Variants in OSBPL9 observed in about 807,000 individuals in gnomAD.
OSBPL9 encodes oxysterol-binding protein-related protein 9.
In OSBPL9, 40 loss-of-function variants were observed where a neutral mutation model predicts 106.6. That is an observed-to-expected ratio of 0.38 (90% CI 0.29 to 0.49). The LOEUF (loss-of-function observed/expected upper bound fraction) is 0.49. OSBPL9 is among the 20% of genes least tolerant of loss of function. The pLI, the probability that OSBPL9 is intolerant of heterozygous loss-of-function variation, is 0.97. For synonymous variants in OSBPL9, 269 were observed against 295.4 expected (o/e 0.91, Z 0.92); for missense variants, 609 against 887.2 (o/e 0.69, Z 3.98).
chr1:51,609,611 A>T (rs1409911943), intron 2 of OSBPL9, among the ~76,000 whole-genome samples: 1 of 149,574 alleles, frequency 6.7e-6, no homozygotes. Flanking sequence ...TCAACCTCCC[A>T]AAGTGCTGGA....
the OSBPL9 span, chr1:51,567,315 G>T: frequency 6.6e-6 from 1 of 152,162 alleles, no homozygotes; most frequent in Non-Finnish European, 1.5e-5. Context: ...GCCATGTCTG[G>T]CCCACTCTGT....
At chr1:51,590,812 C>T (rs1164921705) in intron 1 of OSBPL9, among the ~76,000 whole-genome samples, 2 of 151,442 alleles carry the variant, frequency 1.3e-5, no homozygotes, top group Non-Finnish European at 2.9e-5. Flanking sequence ...TGCAGTGGCA[C>T]GATCATAGGT....
At chr1:51,771,494 C>T (rs563536231) in intron 12 of OSBPL9, among the ~76,000 whole-genome samples, 59 of 152,022 alleles carry the variant, frequency 3.9e-4, no homozygotes, top group African/African-American at 1.4e-3. Flanking sequence ...CGTGCGTGTG[C>T]GCGCACACAC....
chr1:51,519,324 G>GGGGC, the OSBPL9 span: 3,634 of 417,616 alleles, frequency 8.7e-3, 74 homozygotes, highest in Admixed American at 0.012. Flanking sequence ...AGGCGAGGCC[G>GGGGC]GGGCGGGCGG....
intron 3 of OSBPL9, among the ~76,000 whole-genome samples, chr1:51,710,490 C>T (rs1659573597): frequency 6.6e-6 from 1 of 152,228 alleles, no homozygotes; most frequent in Non-Finnish European, 1.5e-5. Context: ...TTCTGTGCAG[C>T]TCCTACCACC....
At chr1:51,631,479 T>C (rs937772985) in intron 1 of OSBPL9, among the ~76,000 whole-genome samples, 7 of 151,772 alleles carry the variant, frequency 4.6e-5, no homozygotes, top group Non-Finnish European at 8.8e-5. Context: ...AGGTCGAGGG[T>C]ACAGTGAGCT....
the OSBPL9 span, among the ~76,000 whole-genome samples, chr1:51,526,340 G>A: frequency 0.063 from 9,553 of 152,196 alleles, 956 homozygotes; most frequent in African/African-American, 0.21. Context: ...TGGTAGAGAT[G>A]AGAGAGAAAG....
intron 3 of OSBPL9, among the ~76,000 whole-genome samples, chr1:51,674,737 A>G (rs1557672617): frequency 1.3e-5 from 2 of 152,172 alleles, no homozygotes; most frequent in African/African-American, 2.4e-5. Flanking sequence ...TACTTTTTCT[A>G]TGTTTAGATA....
At chr1:51,650,349 CCT>C (rs1646437248) in intron 1 of OSBPL9, among the ~76,000 whole-genome samples, 1 of 152,056 alleles carries the variant, frequency 6.6e-6, no homozygotes, top group African/African-American at 2.4e-5. Context: ...TGCATTCTAA[CCT>C]CATCAGGGAT....
chr1:51,596,631 T>C (rs1645301161), intron 1 of OSBPL9, among the ~76,000 whole-genome samples: 1 of 144,644 alleles, frequency 6.9e-6, no homozygotes, highest in Admixed American at 6.9e-5. Flanking sequence ...AATACAAAAA[T>C]TAGCCAGGCA....
At chr1:51,616,003 G>GTTTTTTTTTT (rs764823727), upstream of OSBPL9, among the ~76,000 whole-genome samples, 15 of 104,504 alleles carry the variant, frequency 1.4e-4, no homozygotes, top group East Asian at 3.3e-4. Context: ...AAATCCTTTG[G>GTTTTTTTTTT]TTTTTTTTTT....
At chr1:51,783,244 A>G (rs1676804199) in intron 17 of OSBPL9, among the ~76,000 whole-genome samples, 1 of 152,020 alleles carries the variant, frequency 6.6e-6, no homozygotes, top group Non-Finnish European at 1.5e-5. Flanking sequence ...GCAGTGGCAC[A>G]ATCATAGCTC....
chr1:51,591,811 A>G (rs78798786), intron 1 of OSBPL9, among the ~76,000 whole-genome samples: 3,985 of 152,006 alleles, frequency 0.026, 113 homozygotes, highest in East Asian at 0.11. Context: ...GAGAGAGAGA[A>G]AAAAAAGAGA....
chr1:51,741,406 C>T (rs2148984725), intron 4 of OSBPL9, among the ~76,000 whole-genome samples: 1 of 149,780 alleles, frequency 6.7e-6, no homozygotes, highest in South Asian at 2.1e-4. Flanking sequence ...TCCCTCCTTC[C>T]CTCCCTCCCT....
At chr1:51,747,153 G>C (rs1382023398) in intron 6 of OSBPL9, among the ~76,000 whole-genome samples, 1 of 152,164 alleles carries the variant, frequency 6.6e-6, no homozygotes, top group African/African-American at 2.4e-5. Context: ...TTTTAGTAGA[G>C]ACAGGGTTTC....
intron 1 of OSBPL9, among the ~76,000 whole-genome samples, chr1:51,649,618 C>T (rs898243496): frequency 6.6e-6 from 1 of 151,728 alleles, no homozygotes; most frequent in Non-Finnish European, 1.5e-5. Flanking sequence ...CAGGTTGAAA[C>T]TTGAAACCTG....
chr1:51,672,106 G>A (rs1650017644), intron 3 of OSBPL9, among the ~76,000 whole-genome samples: 2 of 152,282 alleles, frequency 1.3e-5, no homozygotes, highest in African/African-American at 4.8e-5. Flanking sequence ...TGAGATAAAA[G>A]GCCATTAGAA....
intron 2 of OSBPL9, among the ~76,000 whole-genome samples, chr1:51,665,753 G>T (rs373545629): frequency 2.5e-4 from 38 of 152,304 alleles, no homozygotes; most frequent in African/African-American, 8.9e-4. Flanking sequence ...AGAGGGGAAA[G>T]TGCAAAGGTC....
chr1:51,713,056 T>C (rs546761792), intron 3 of OSBPL9, among the ~76,000 whole-genome samples: 76 of 152,344 alleles, frequency 5.0e-4, no homozygotes, highest in African/African-American at 1.8e-3. Flanking sequence ...ATGGACTGTT[T>C]ACCAGAGCTC....
Sources: allele counts gnomAD v4.1 joint callset (sites outside exome capture counted in the v4.1 genomes callset), GRCh38; gene constraint gnomAD v4.1.1; transcripts MANE v1.5; gene names NCBI Gene and HGNC (gene_info 2026-07-23, HGNC 2026-07-21).